KCNN3: variants seen among roughly 807,000 people sequenced by gnomAD.
KCNN3 encodes small conductance calcium-activated potassium channel protein 3.
KCNN3 carries 16 observed loss-of-function variants against 62.9 expected under a neutral mutation model. The observed-to-expected ratio is 0.25, with a 90% CI of 0.17 to 0.39. The LOEUF is 0.39. KCNN3 is among the 10% of genes least tolerant of loss of function. The pLI is 1.00. For missense variants in KCNN3, 599 were observed against 949.4 expected (o/e 0.63, Z 4.85); for synonymous variants, 370 against 389.2 (o/e 0.95, Z 0.58).
chr1:154,765,762 G>A lies in KCNN3; in HGVS notation c.1448+6213C>T, dbSNP rs183970996. Reference sequence around the variant, plus strand: ...CCCACCTCAGCCTCCTGAGTCTACAGATGCACCACCACTCCCGGCTAATGT... The same window carrying A: ...CCCACCTCAGCCTCCTGAGTCTACAAATGCACCACCACTCCCGGCTAATGT... On this transcript the variant is annotated intron_variant, in intron 3 of 7. Transcript: ENST00000271915. Among the ~76,000 whole-genome samples the A allele has an allele frequency of 3.0e-3, 447 of 151,384 alleles. 5 individuals carry two copies. Among genetic ancestry groups the A allele is most frequent in the African/African-American group, 0.01 (427 of 41,276 alleles).
In KCNN3 at chr1:154,772,484, C is replaced by A; in HGVS notation, c.1030-91G>T. 2 of 1,339,118 alleles carry A rather than the reference C, an allele frequency of 1.5e-6. No homozygotes were observed. Among genetic ancestry groups the A allele is most frequent in the Non-Finnish European group, 2.1e-6 (2 of 946,772 alleles). The allele number at this position is 1,339,118 out of a possible 1,614,324, so 83.0% of individuals were successfully genotyped here. Reference sequence around the variant, plus strand: ...GACAGGTGGGGCAGGCTGGGGCAGGCTGCTGGGCTCAGGTCAGCCTGACCA... The same window carrying A: ...GACAGGTGGGGCAGGCTGGGGCAGGATGCTGGGCTCAGGTCAGCCTGACCA... On this transcript the variant is annotated intron_variant, in intron 2 of 7. Transcript: ENST00000271915. The surrounding 1 kb of genome is among the most constrained non-coding windows in gnomAD (Gnocchi z 5.6).
At chr1:154,714,209 GTGGTGTGCA>G (rs1700154081) in intron 6 of KCNN3, among the ~76,000 whole-genome samples, 2 of 144,468 alleles carry the variant, frequency 1.4e-5, no homozygotes, top group Admixed American at 6.9e-5. Context: ...TGTGTCGTAT[GTGGTGTGCA>G]TGGTGTGTGT....
intron 1 of KCNN3, among the ~76,000 whole-genome samples, chr1:154,854,201 C>A (rs770188041): frequency 1.6e-4 from 25 of 152,100 alleles, no homozygotes; most frequent in East Asian, 1.5e-3. Context: ...GGCCACTGAA[C>A]TCCAGCCTGG....
chr1:154,840,256 GA>G (rs1323658769), intron 1 of KCNN3, among the ~76,000 whole-genome samples: 1 of 152,182 alleles, frequency 6.6e-6, no homozygotes, highest in Non-Finnish European at 1.5e-5. Context: ...TGATTGGTTA[GA>G]GATTCAAAAG....
chr1:154,757,947 C>A (rs1391960100), intron 3 of KCNN3, among the ~76,000 whole-genome samples: 1 of 152,176 alleles, frequency 6.6e-6, no homozygotes, highest in Non-Finnish European at 1.5e-5. Flanking sequence ...TGAATTATCC[C>A]CTTTCCTGGC....
intron 6 of KCNN3, among the ~76,000 whole-genome samples, chr1:154,714,321 TGTGTGTGTGTG>T (rs1468920243): frequency 2.2e-5 from 2 of 92,310 alleles, no homozygotes; most frequent in African/African-American, 4.4e-5. Context: ...TTGTGTGAGG[TGTGTGTGTGTG>T]GTGTTTGTGT....
rs988242742 is a variant in KCNN3 at position 154,706,363 on chromosome 1, T to C, written c.*1613A>G. The C allele has an allele frequency of 6.6e-6, 1 of 152,178 alleles. No individual in the cohort carries two copies. Among genetic ancestry groups the C allele is most frequent in the Admixed American group, 6.5e-5 (1 of 15,276 alleles). The allele number at this position is 152,178 out of a possible 1,614,324, so 9.4% of individuals were successfully genotyped here. ...ACAAGCAAAAAAATCACCCTTTTGT[T>C]TTACCATCAACAGATGAAATAGTCC... On this transcript the variant is annotated 3_prime_UTR_variant, in exon 8 of 8. Coordinates refer to ENST00000271915, the MANE Select transcript of KCNN3 (RefSeq NM_002249.6).
chr1:154,804,703 T>A (rs1056070713), intron 2 of KCNN3, among the ~76,000 whole-genome samples: 5 of 152,144 alleles, frequency 3.3e-5, no homozygotes, highest in African/African-American at 1.2e-4. Flanking sequence ...AAATACATAG[T>A]CCTAATCCCT....
intron 2 of KCNN3, among the ~76,000 whole-genome samples, chr1:154,785,338 C>T (rs1046677457): frequency 1.3e-5 from 2 of 152,020 alleles, no homozygotes; most frequent in Non-Finnish European, 2.9e-5. Flanking sequence ...TTTGAACAGC[C>T]TAGGGAGCTG....
chr1:154,810,799 T>C (rs186892344), intron 2 of KCNN3, among the ~76,000 whole-genome samples: 215 of 152,314 alleles, frequency 1.4e-3, no homozygotes, highest in Middle Eastern at 3.4e-3. Flanking sequence ...GCCCACCTTC[T>C]AGGCTGCTTC....
At chr1:154,855,660 C>T (rs532318315) in intron 1 of KCNN3, among the ~76,000 whole-genome samples, 97 of 152,298 alleles carry the variant, frequency 6.4e-4, no homozygotes, top group African/African-American at 2.2e-3. Context: ...GATGAAATTG[C>T]CTAATGACAC....
intron 1 of KCNN3, among the ~76,000 whole-genome samples, chr1:154,837,685 T>G (rs1651649405): frequency 6.6e-6 from 1 of 152,206 alleles, no homozygotes; most frequent in Non-Finnish European, 1.5e-5. Context: ...CTCCCAGGCA[T>G]CCACTGCCGG....
chr1:154,866,051 C>T (rs1461161040), intron 1 of KCNN3, among the ~76,000 whole-genome samples: 1 of 152,176 alleles, frequency 6.6e-6, no homozygotes, highest in Non-Finnish European at 1.5e-5. Flanking sequence ...CTGAGCTCTC[C>T]TGGGCTGTGA....
chr1:154,789,441 T>C (rs73009406), intron 2 of KCNN3, among the ~76,000 whole-genome samples: 5,708 of 152,186 alleles, frequency 0.038, 348 homozygotes, highest in African/African-American at 0.13. Context: ...GGGGGGGCAT[T>C]ATGATTCAGC....
intron 3 of KCNN3, among the ~76,000 whole-genome samples, chr1:154,766,970 C>T (rs1024772184): frequency 2.0e-5 from 3 of 152,044 alleles, no homozygotes; most frequent in South Asian, 2.1e-4. Flanking sequence ...CGTGAGCCAC[C>T]GAGCCTGGCC....
intron 1 of KCNN3, among the ~76,000 whole-genome samples, chr1:154,835,190 G>A (rs138025030): frequency 1.3e-5 from 2 of 152,296 alleles, no homozygotes; most frequent in African/African-American, 4.8e-5. Context: ...GGGTTCCCAC[G>A]GGCTTAAAAC....
At chr1:154,799,488 C>A (rs12738367) in intron 2 of KCNN3, among the ~76,000 whole-genome samples, 66,049 of 151,982 alleles carry the variant, frequency 0.43, 15,853 homozygotes, top group East Asian at 0.7. Flanking sequence ...AAGAGCGTAG[C>A]CAGAGTCTCC....
At chr1:154,761,557 G>A (rs1050488458) in intron 3 of KCNN3, among the ~76,000 whole-genome samples, 1 of 152,036 alleles carries the variant, frequency 6.6e-6, no homozygotes, top group Non-Finnish European at 1.5e-5. Context: ...TCTATAAATC[G>A]GTAATATCCT....
chr1:154,828,421 C>A (rs1651230806), intron 1 of KCNN3, among the ~76,000 whole-genome samples: 1 of 151,732 alleles, frequency 6.6e-6, no homozygotes. Flanking sequence ...CGGTCAGCCA[C>A]AAAACCCACT....
Sources: gnomAD v4.1 joint callset for allele counts (sites outside exome capture counted in the v4.1 genomes callset) on GRCh38, gnomAD v4.1.1 for gene constraint, Gnocchi (gnomAD v3.1) non-coding constraint, MANE v1.5 for transcripts, NCBI Gene and HGNC (gene_info 2026-07-23, HGNC 2026-07-21) for gene names.